The following OVCH1 variants were observed in gnomAD, a reference collection of about 807,000 sequenced individuals.
OVCH1 encodes ovochymase 1.
Under a neutral mutation model 138.4 loss-of-function variants are expected in OVCH1, and 139 were observed. The observed-to-expected ratio is 1.00, with a 90% CI of 0.87 to 1.16. OVCH1 has a LOEUF of 1.16. OVCH1 is among the 50% of genes most tolerant of loss of function. OVCH1 has a pLI of 0.00. For missense variants in OVCH1, 1,367 were observed against 1,357.9 expected, an observed-to-expected ratio of 1.01 and a Z score of -0.11; for synonymous variants, 453 against 467.8, an observed-to-expected ratio of 0.97 and a Z score of 0.41.
At chr12:29,433,842 A>G in intron 26 of OVCH1, 3 of 1,372,900 alleles carry the variant, frequency 2.2e-6, no homozygotes, top group Non-Finnish European at 2.9e-6. Context: ...TTTTTAATGG[A>G]AATGCCTCCC....
At chr12:29,443,212 A>C in intron 25 of OVCH1, 149 bp downstream of exon 25, 1 of 760,218 alleles carries the variant, frequency 1.3e-6, no homozygotes, top group South Asian at 3.5e-5. Flanking sequence ...TTTAAATCTG[A>C]CACAAGTTTA....
At chr12:29,417,481 AAAAG>A (rs1315764428) in intron 3 of OVCH1, among the ~76,000 whole-genome samples, 78 of 151,014 alleles carry the variant, frequency 5.2e-4, no homozygotes, top group African/African-American at 1.8e-3. Flanking sequence ...AAAAAAAAAA[AAAAG>A]GCAACACTAG....
intron 4 of OVCH1, 99 bp downstream of exon 4, chr12:29,495,186 T>C (rs1017390462): frequency 2.6e-6 from 3 of 1,162,390 alleles, no homozygotes; most frequent in African/African-American, 3.1e-5. Flanking sequence ...AGCTTAGCTA[T>C]TCTATTACTA....
At chr12:29,440,721 A>G (rs1439133012) in intron 25 of OVCH1, 1 of 455,796 alleles carries the variant, frequency 2.2e-6, no homozygotes, top group African/African-American at 2.0e-5. Flanking sequence ...GAACCAAGAA[A>G]GCTCAGTGCT....
intron 19 of OVCH1, among the ~76,000 whole-genome samples, chr12:29,459,678 GT>G (rs34116252): frequency 0.13 from 20,539 of 152,186 alleles, 1,364 homozygotes; most frequent in African/African-American, 0.14. Flanking sequence ...GAAGTGATGT[GT>G]ATACCCAATT....
chr12:29,489,499 G>A, intron 6 of OVCH1, 121 bp downstream of exon 6: 1 of 1,167,670 alleles, frequency 8.6e-7, no homozygotes, highest in South Asian at 1.8e-5. Flanking sequence ...CAGAGGAAAA[G>A]ATGAAGGGAA....
downstream of OVCH1, among the ~76,000 whole-genome samples, chr12:29,410,913 C>G (rs1449108157): frequency 6.6e-6 from 1 of 152,012 alleles, no homozygotes; most frequent in Non-Finnish European, 1.5e-5. Context: ...TGTTTTCCAT[C>G]TTGGTTCCAT....
chr12:29,491,267 T>G, intron 4 of OVCH1, 75 bp from the exon 5 acceptor site: 14 of 1,204,870 alleles, frequency 1.2e-5, no homozygotes, highest in African/African-American at 1.5e-5. Flanking sequence ...GTGAAATCTC[T>G]TGATTTCATG....
At chr12:29,487,782 G>T in exon 7 of OVCH1, 1 of 1,606,386 alleles carries the variant, frequency 6.2e-7, no homozygotes, top group Non-Finnish European at 8.5e-7. Context: ...GTTTCTTACG[G>T]GAACTGAACC....
chr12:29,433,674 G>C, intron 27 of OVCH1: 1 of 1,352,000 alleles, frequency 7.4e-7, no homozygotes, highest in South Asian at 1.4e-5. Flanking sequence ...ACAACAATTT[G>C]TTGGTGGTCT....
intron 3 of OVCH1, among the ~76,000 whole-genome samples, chr12:29,416,099 AAGGAT>A (rs1941028052): frequency 6.6e-6 from 1 of 152,020 alleles, no homozygotes; most frequent in Non-Finnish European, 1.5e-5. Flanking sequence ...GGAAAAAGGA[AAGGAT>A]AGAGAGAAAA....
intron 3 of OVCH1, among the ~76,000 whole-genome samples, chr12:29,414,979 GA>G (rs1342045215): frequency 6.6e-6 from 1 of 152,082 alleles, no homozygotes; most frequent in East Asian, 1.9e-4. Flanking sequence ...ACTAGTACAG[GA>G]AATACATGAA....
At chr12:29,487,621 T>TG in intron 7 of OVCH1, 72 bp downstream of exon 7, 1 of 1,385,534 alleles carries the variant, frequency 7.2e-7, no homozygotes, top group Non-Finnish European at 9.8e-7. Flanking sequence ...AGCTTAGTTC[T>TG]GATAATATCG....
intron 4 of OVCH1, among the ~76,000 whole-genome samples, chr12:29,491,915 C>A (rs1471525022): frequency 6.6e-6 from 1 of 152,124 alleles, no homozygotes; most frequent in East Asian, 1.9e-4. Context: ...ACGTGGCAAG[C>A]ACTCTTTTAG....
the OVCH1 span, among the ~76,000 whole-genome samples, chr12:29,403,664 T>C: frequency 6.6e-6 from 1 of 152,180 alleles, no homozygotes; most frequent in Non-Finnish European, 1.5e-5. Flanking sequence ...ACAAATGAAA[T>C]ATCCTAAAAT....
At chr12:29,451,254 CATT>C in intron 22 of OVCH1, 88 bp downstream of exon 22, 1 of 977,846 alleles carries the variant, frequency 1.0e-6, no homozygotes, top group South Asian at 1.6e-5. Flanking sequence ...ATTTTGGTAA[CATT>C]ATTACCAAGT....
At chr12:29,440,669 C>T (rs773307959) in intron 25 of OVCH1, 7 of 454,348 alleles carry the variant, frequency 1.5e-5, no homozygotes, top group Non-Finnish European at 3.1e-5. Context: ...CTGCAGTCTC[C>T]CCACAAGAAG....
At chr12:29,463,425 T>C (rs1298354772) in intron 18 of OVCH1, among the ~76,000 whole-genome samples, 1 of 152,026 alleles carries the variant, frequency 6.6e-6, no homozygotes, top group Non-Finnish European at 1.5e-5. Flanking sequence ...AAGCTTGGTG[T>C]TTAAGAGAAA....
downstream of OVCH1, among the ~76,000 whole-genome samples, chr12:29,407,541 C>T (rs1197954688): frequency 6.7e-6 from 1 of 149,808 alleles, no homozygotes; most frequent in Non-Finnish European, 1.5e-5. Context: ...CCAGTTTTCC[C>T]AGCACCATTT....
Sources: allele counts gnomAD v4.1 joint callset (sites outside exome capture counted in the v4.1 genomes callset), GRCh38; gene constraint gnomAD v4.1.1; transcripts MANE v1.5; gene names NCBI Gene and HGNC (gene_info 2026-07-23, HGNC 2026-07-21).